MGAT5: variants seen among roughly 807,000 people sequenced by gnomAD.
MGAT5 encodes the protein alpha-1,6-mannosylglycoprotein 6-beta-N-acetylglucosaminyltransferase.
MGAT5 carries 30 observed loss-of-function variants against 94.3 expected under a neutral mutation model. The observed-to-expected ratio is 0.32, with a 90% CI of 0.24 to 0.43. The LOEUF (loss-of-function observed/expected upper bound fraction) is 0.43, where lower values mean the gene tolerates loss of function less well. MGAT5 is among the 20% of genes least tolerant of loss of function. MGAT5 has a pLI of 1.00. For synonymous variants in MGAT5, 310 were observed against 322.9 expected (o/e 0.96, Z 0.43); for missense variants, 691 against 905.5 (o/e 0.76, Z 3.04).
chr2:134,400,992 A>C (rs1483990436), intron 10 of MGAT5, among the ~76,000 whole-genome samples: 1 of 152,106 alleles, frequency 6.6e-6, no homozygotes. Context: ...GATAAGAACC[A>C]GAGTGGCTCC....
upstream of MGAT5, among the ~76,000 whole-genome samples, chr2:134,251,076 C>T (rs918934504): frequency 2.0e-5 from 3 of 152,084 alleles, no homozygotes; most frequent in East Asian, 3.8e-4. Context: ...GTGATTCGGG[C>T]TCTTTACTAA....
At chr2:134,343,101 G>T (rs1688727794) in intron 7 of MGAT5, among the ~76,000 whole-genome samples, 1 of 152,124 alleles carries the variant, frequency 6.6e-6, no homozygotes, top group Admixed American at 6.5e-5. Context: ...GAATGAGTGG[G>T]TAGGTAAATA....
chr2:134,360,369 G>A (rs1680006871), intron 9 of MGAT5, among the ~76,000 whole-genome samples: 2 of 151,972 alleles, frequency 1.3e-5, no homozygotes, highest in Non-Finnish European at 2.9e-5. Context: ...TTCATTTGGG[G>A]GGCTGAATCA....
chr2:134,401,916 A>AC (rs1256860000), intron 10 of MGAT5, among the ~76,000 whole-genome samples: 23 of 152,108 alleles, frequency 1.5e-4, no homozygotes, highest in Non-Finnish European at 3.4e-4. Flanking sequence ...AATGGCAGAG[A>AC]CCAGATCATG....
At chr2:134,162,251 A>C (rs532963066) in intron 1 of MGAT5, among the ~76,000 whole-genome samples, 1 of 152,250 alleles carries the variant, frequency 6.6e-6, no homozygotes, top group African/African-American at 2.4e-5. Flanking sequence ...CTTGCAGCTC[A>C]CCATGTAATT....
At chr2:134,196,005 A>G (rs1679479066) in intron 1 of MGAT5, among the ~76,000 whole-genome samples, 1 of 152,194 alleles carries the variant, frequency 6.6e-6, no homozygotes. Context: ...ATTCCAGGGT[A>G]AAAAGTCAGG....
intron 1 of MGAT5, among the ~76,000 whole-genome samples, chr2:134,266,410 G>C (rs569571153): frequency 6.6e-6 from 1 of 152,000 alleles, no homozygotes; most frequent in East Asian, 2.0e-4. Context: ...TTGGAGAGAC[G>C]GAGTTTCACC....
chr2:134,128,919 C>G (rs577068623), intron 1 of MGAT5, among the ~76,000 whole-genome samples: 41 of 152,284 alleles, frequency 2.7e-4, no homozygotes, highest in African/African-American at 9.1e-4. Context: ...CTGGTTAATA[C>G]TCTTTAAGTT....
intron 11 of MGAT5, among the ~76,000 whole-genome samples, chr2:134,404,272 G>T (rs1160913050): frequency 6.6e-6 from 1 of 152,194 alleles, no homozygotes. Context: ...CATGTTCAAG[G>T]TAGGGGAGAG....
rs143057376 is a variant in MGAT5 at position 134,172,608 on chromosome 2, G to C, written c.-143+52317G>C. Among the ~76,000 whole-genome samples the C allele has an allele frequency of 0.019, 2,817 of 152,180 alleles. 226 individuals are homozygous for C. In the East Asian group the frequency reaches 0.26, roughly 14 times the overall value. On this transcript the variant is annotated intron_variant, in intron 1 of 16. Coordinates refer to the MGAT5 transcript ENST00000409645. The stretch of plus-strand genomic sequence containing the variant: ...TCACCGTGTTAGCCAGGATGGTCTC[G>C]ATCTCCTGACCTCGTGATTCTCCCG...
chr2:134,263,949 T>C (rs1300632468), intron 1 of MGAT5, among the ~76,000 whole-genome samples: 2 of 151,768 alleles, frequency 1.3e-5, no homozygotes, highest in Non-Finnish European at 2.9e-5. Flanking sequence ...TGTGTGTATA[T>C]GTGTATATAT....
At chr2:134,355,839 C>A (rs192294991) in intron 9 of MGAT5, among the ~76,000 whole-genome samples, 222 of 152,194 alleles carry the variant, frequency 1.5e-3, no homozygotes, top group African/African-American at 4.9e-3. Flanking sequence ...TCCTCTCTTT[C>A]CCTAGAGTTG....
At chr2:134,347,210 G>C (rs1264391782) in intron 8 of MGAT5, among the ~76,000 whole-genome samples, 1 of 152,196 alleles carries the variant, frequency 6.6e-6, no homozygotes, top group African/African-American at 2.4e-5. Flanking sequence ...CATAGACCAA[G>C]TCCAGTGTCC....
At chr2:134,330,584 T>TGTGTGTGTGTGTG (rs1553447778) in intron 4 of MGAT5, among the ~76,000 whole-genome samples, 3 of 151,572 alleles carry the variant, frequency 2.0e-5, no homozygotes, top group Non-Finnish European at 4.4e-5. Context: ...TGTGTGTGTG[T>TGTGTGTGTGTGTG]TACGAAGCCC....
rs774038530 is a variant in MGAT5 at position 134,403,065 on chromosome 2, T to C, written c.1458T>C (p.Asn486=). The stretch of plus-strand genomic sequence containing the variant: ...CTGTTTATGGCTCCAGCACAAAGAA[T>C]ATTCCCAGTTACGTGAAAAACCATG... The part of the protein sequence containing the change: ...HATVYGSSTK[N]IPSYVKNHGI... Residue 486 remains asparagine (N), a synonymous_variant, in exon 11 of 16, where the codon AAT becomes AAC. Transcript: ENST00000281923. The C allele has an allele frequency of 6.2e-7, 1 of 1,612,538 alleles. No homozygotes were observed. The highest frequency in any genetic ancestry group is 8.5e-7 in the Non-Finnish European group (1 of 1,179,750).
chr2:134,147,595 TAA>T (rs58073087), intron 1 of MGAT5, among the ~76,000 whole-genome samples: 7 of 111,806 alleles, frequency 6.3e-5, no homozygotes, highest in Admixed American at 8.8e-5. Flanking sequence ...ACAGAGTTAA[TAA>T]AAAAAAAAAA....
rs560322231 is a variant in MGAT5 at position 134,275,387 on chromosome 2, G to C, written c.406+4837G>C. On this transcript the variant is annotated intron_variant, in intron 2 of 15. Coordinates refer to ENST00000281923, the MANE Select transcript of MGAT5 (RefSeq NM_002410.5). ...GAAAAATGCTTGTCTTTGTTGGTAT[G>C]GTTTTCACTTTGTGTGGTCAAGGAT... Among the ~76,000 whole-genome samples the C allele has an allele frequency of 6.6e-5, 10 of 152,234 alleles. No individual in the cohort carries two copies. The South Asian group carries it at 1.4e-3, about 22-fold the overall frequency.
intron 1 of MGAT5, among the ~76,000 whole-genome samples, chr2:134,137,033 T>G (rs1686440457): frequency 6.6e-6 from 1 of 152,222 alleles, no homozygotes; most frequent in East Asian, 1.9e-4. Flanking sequence ...CCTAATTATC[T>G]GAATCCTAAA....
chr2:134,355,593 A>G (rs1037291738), intron 9 of MGAT5, among the ~76,000 whole-genome samples: 1 of 152,242 alleles, frequency 6.6e-6, no homozygotes, highest in Non-Finnish European at 1.5e-5. Context: ...GTCTCAAACA[A>G]GGTGCATTAT....
Sources: allele counts gnomAD v4.1 joint callset (sites outside exome capture counted in the v4.1 genomes callset), GRCh38; gene constraint gnomAD v4.1.1; transcripts MANE v1.5; gene names NCBI Gene and HGNC (gene_info 2026-07-23, HGNC 2026-07-21).